The following RELT variants were observed in gnomAD, a reference collection of about 807,000 sequenced individuals.
The protein encoded by RELT is tumor necrosis factor receptor superfamily member 19L.
RELT carries 37 observed loss-of-function variants against 51.1 expected under a neutral mutation model. The observed-to-expected ratio is 0.72, with a 90% CI of 0.56 to 0.95. RELT has a LOEUF of 0.95. RELT is among the 40% of genes least tolerant of loss of function. The pLI is 0.00. For synonymous variants in RELT, 241 were observed against 235.7 expected, an observed-to-expected ratio of 1.02 and a Z score of -0.21; for missense variants, 535 against 572.6, an observed-to-expected ratio of 0.93 and a Z score of 0.67.
At position 73,395,989 on chromosome 11, in the gene RELT, G is replaced by A. The variant is rs1590741435; in HGVS notation, c.*498G>A. On this transcript the variant is annotated 3_prime_UTR_variant, in exon 11 of 11. Transcript: ENST00000064780. ...CTGGGCTAGGAGAGTGAGTCCCTGG[G>A]TTCTAATCTTGGGCACATCTGTGGC... 1 of 163,990 alleles carries A rather than the reference G, an allele frequency of 6.1e-6. No individual in the cohort carries two copies. Among genetic ancestry groups the A allele is most frequent in the South Asian group, 1.6e-4 (1 of 6,208 alleles). The allele number at this position is 163,990 out of a possible 1,614,324, so 10.2% of individuals were successfully genotyped here. A position where few individuals can be genotyped will look rare whatever the true frequency, so the allele number is the denominator to read the frequency against.
chr11:73,393,610 A>C, intron 6 of RELT: 6 of 1,482,040 alleles, frequency 4.0e-6, no homozygotes, highest in Non-Finnish European at 1.8e-6. Context: ...GCCTCTATGC[A>C]CCCGGGCTGT....
In RELT at chr11:73,394,106, G is replaced by T; in HGVS notation, c.707-130G>T. ...CTCCCATTCTTGCCTGATGAAGTGG[G>T]AGGAAAAGGCGCACAGCCCAGGCTG... is the stretch of plus-strand genomic sequence containing the variant. On this transcript the variant is annotated intron_variant, in intron 7 of 10. Coordinates refer to ENST00000064780, the MANE Select transcript of RELT (RefSeq NM_152222.2). This position sits in a 1 kb window ranked among gnomAD's most constrained non-coding sequence, Gnocchi z 4.9. 1.0e-6 allele frequency: 1 copy of T among 1,003,372 alleles called. No homozygotes were observed. The highest frequency in any genetic ancestry group is 1.5e-6 in the Non-Finnish European group (1 of 662,180). The allele number at this position is 1,003,372 out of a possible 1,614,324, so 62.2% of individuals were successfully genotyped here. A position where few individuals can be genotyped will look rare whatever the true frequency, so the allele number is the denominator to read the frequency against.
intron 1 of RELT, among the ~76,000 whole-genome samples, chr11:73,379,831 G>A (rs535865939): frequency 6.6e-6 from 1 of 152,152 alleles, no homozygotes; most frequent in South Asian, 2.1e-4. Flanking sequence ...CTTGCTTTTC[G>A]CCTACAAAGT....
chr11:73,392,644 G>A, intron 6 of RELT, 176 bp downstream of exon 6: 1 of 1,416,500 alleles, frequency 7.1e-7, no homozygotes, highest in Non-Finnish European at 9.3e-7. Flanking sequence ...CGAAGGTGTG[G>A]CCGTGGGGGC....
chr11:73,390,798 C>T lies in RELT; in HGVS notation c.164C>T (p.Thr55Ile), dbSNP rs1866200282. The T allele has an allele frequency of 1.2e-6, 2 of 1,611,594 alleles. No individual in the cohort carries two copies. Among genetic ancestry groups the T allele is most frequent in the South Asian group, 1.1e-5 (1 of 90,920 alleles). ...TTATGCAGGCCCTGCCCCCCAGGCACCTTCTCAGCTGCATGGGGCTCCAGC... is the reference window on the plus strand; with the variant it reads ...TTATGCAGGCCCTGCCCCCCAGGCATCTTCTCAGCTGCATGGGGCTCCAGC... ...GTLCRPCPPG[T>I]FSAAWGSSPC... is the part of the protein sequence containing the mutation. The change falls in exon 4 of 11, where the codon ACC becomes ATC. Residue 55 changes from threonine to isoleucine, a missense_variant. Thr to Ile is a moderately conservative substitution (Grantham distance 89). Transcript: ENST00000064780.
chr11:73,394,528 T>C lies in RELT; in HGVS notation c.840T>C (p.His280=), dbSNP rs933918348. 26 of 1,610,910 alleles carry C rather than the reference T, an allele frequency of 1.6e-5. No homozygotes were observed. Among genetic ancestry groups the C allele is most frequent in the Non-Finnish European group, 2.1e-5 (25 of 1,179,824 alleles). ...CACACATCTGCCCGCACCGCCACCATCTCCACACCGTGCAGGGCCTGGCCT... is the reference window on the plus strand; with the variant it reads ...CACACATCTGCCCGCACCGCCACCACCTCCACACCGTGCAGGGCCTGGCCT... ...NVPHICPHRH[H]LHTVQGLASL... Residue 280 remains histidine (H), a synonymous_variant, in exon 9 of 11, where the codon CAT becomes CAC. Coordinates refer to ENST00000064780, the MANE Select transcript of RELT (RefSeq NM_152222.2). This position sits in a 1 kb window ranked among gnomAD's most constrained non-coding sequence, Gnocchi z 4.9.
chr11:73,379,914 G>C (rs535946970), intron 1 of RELT, among the ~76,000 whole-genome samples: 2 of 152,212 alleles, frequency 1.3e-5, no homozygotes, highest in South Asian at 2.1e-4. Context: ...CTTTACCCTC[G>C]CCTCTCCTTG....
intron 1 of RELT, among the ~76,000 whole-genome samples, chr11:73,381,660 A>G (rs1018925968): frequency 6.6e-6 from 1 of 152,300 alleles, no homozygotes; most frequent in African/African-American, 2.4e-5. Context: ...CCACCACACC[A>G]TGAGGTCAGC....
At position 73,391,190 on chromosome 11, in the gene RELT, TC is replaced by T; in HGVS notation, c.336del (p.Trp113GlyfsTer118). On this transcript the variant is annotated frameshift_variant, in exon 5 of 11. Transcript: ENST00000064780. LOFTEE classifies it high-confidence loss of function. ...TCCCCGCGTTCCATGTCAACCATGT[TC>T]CTGGGCACCTCTGGGTACTCATGGC... ...GVPRVPCQPC[S>X]WAPLGTHGCD... 1 of 1,613,998 alleles carries T rather than the reference TC, an allele frequency of 6.2e-7. No homozygotes were observed. The highest frequency in any genetic ancestry group is 8.5e-7 in the Non-Finnish European group (1 of 1,179,958).
At chr11:73,393,533 C>G (rs910627186) in intron 6 of RELT, 47 of 1,311,084 alleles carry the variant, frequency 3.6e-5, no homozygotes, top group Non-Finnish European at 4.6e-5. Flanking sequence ...AGTGCAGACC[C>G]AGAAGACGCT....
intron 6 of RELT, 81 bp from the exon 7 acceptor site, chr11:73,393,756 C>A: frequency 6.4e-7 from 1 of 1,566,852 alleles, no homozygotes; most frequent in Non-Finnish European, 8.8e-7. Flanking sequence ...GCCAGGGTTG[C>A]CCTCTGCTGG....
intron 1 of RELT, among the ~76,000 whole-genome samples, chr11:73,387,852 G>A (rs1489798086): frequency 1.3e-5 from 2 of 152,226 alleles, no homozygotes; most frequent in African/African-American, 4.8e-5. Context: ...GTCACAGCGG[G>A]GGCCTCAGCC....
chr11:73,390,955 C>T (rs769981899), intron 4 of RELT, 34 bp downstream of exon 4: 42 of 1,601,700 alleles, frequency 2.6e-5, no homozygotes, highest in Non-Finnish European at 3.5e-5. Flanking sequence ...GGGCTCCTGG[C>T]TGGGTGACCA....
chr11:73,389,242 A>G (rs1344282228), intron 2 of RELT, 61 bp downstream of exon 2: 2 of 1,223,244 alleles, frequency 1.6e-6, no homozygotes, highest in African/African-American at 3.1e-5. Context: ...GCAGCCCTCC[A>G]GCAAGAGGGT....
rs1263376238 is a variant in RELT, at chr11:73,390,732, C to G, written c.121-23C>G. The G allele has an allele frequency of 1.9e-6, 3 of 1,607,148 alleles. No homozygotes were observed. The African/African-American group carries it at 4.0e-5, about 22-fold the overall frequency. On this transcript the variant is annotated intron_variant, in intron 3 of 10. Transcript: ENST00000064780. ...TCCTCAGGCTTGGCTCCTGGCCATG[C>G]TCTCACCCTTTACCTCCCACAGGAC...
At position 73,388,455 on chromosome 11, in the gene RELT, C is replaced by T. The variant is rs1866157870; in HGVS notation, c.-25-657C>T. Among the ~76,000 whole-genome samples, 1 of 152,196 alleles carries T rather than the reference C, an allele frequency of 6.6e-6. No homozygotes were observed. Among genetic ancestry groups the T allele is most frequent in the Non-Finnish European group, 1.5e-5 (1 of 68,026 alleles). On this transcript the variant is annotated intron_variant, in intron 1 of 10. Coordinates refer to ENST00000064780, the MANE Select transcript of RELT (RefSeq NM_152222.2). This position sits in a 1 kb window ranked among gnomAD's most constrained non-coding sequence, Gnocchi z 4.1. ...AGCCTCAAGGGAGGAGTCAGCCTCC[C>T]TGGAAGAGGTGTGGACAGTGGCCAT...
chr11:73,381,099 C>T (rs1291744510), intron 1 of RELT, among the ~76,000 whole-genome samples: 1 of 152,218 alleles, frequency 6.6e-6, no homozygotes, highest in East Asian at 1.9e-4. Context: ...AGGCACTTGC[C>T]AGGCCCCAGT....
chr11:73,391,570 C>T (rs549345927), intron 5 of RELT, among the ~76,000 whole-genome samples: 1 of 152,236 alleles, frequency 6.6e-6, no homozygotes, highest in South Asian at 2.1e-4. Context: ...CTTTGGGAGG[C>T]CAAGGCAGGA....
intron 1 of RELT, among the ~76,000 whole-genome samples, chr11:73,386,926 C>T (rs2134445591): frequency 1.3e-5 from 2 of 150,416 alleles, no homozygotes; most frequent in South Asian, 4.2e-4. Context: ...TTGGGTTGGT[C>T]ACGGTTCCCC....
Sources: allele counts gnomAD v4.1 joint callset (sites outside exome capture counted in the v4.1 genomes callset), GRCh38; gene constraint gnomAD v4.1.1; non-coding constraint Gnocchi (gnomAD v3.1); transcripts MANE v1.5; gene names NCBI Gene and HGNC (gene_info 2026-07-23, HGNC 2026-07-21).